RUSF1: variants seen among roughly 807,000 people sequenced by gnomAD.
The protein encoded by RUSF1 is RUS1 family protein C16orf58.
Under a neutral mutation model 63.0 loss-of-function variants are expected in RUSF1, and 58 were observed. That is an observed-to-expected ratio of 0.92 (90% CI 0.75 to 1.15). RUSF1 has a LOEUF of 1.15. RUSF1 is among the 50% of genes most tolerant of loss of function. The pLI, the probability that RUSF1 is intolerant of heterozygous loss-of-function variation, is 0.00. For missense variants in RUSF1, 652 were observed against 611.0 expected, an observed-to-expected ratio of 1.07 and a Z score of -0.71; for synonymous variants, 274 against 255.8, an observed-to-expected ratio of 1.07 and a Z score of -0.68.
chr16:31,500,816 A>G (rs1179236844), intron 2 of RUSF1, 85 bp from the exon 3 acceptor site: 39 of 1,398,888 alleles, frequency 2.8e-5, no homozygotes, highest in Non-Finnish European at 2.9e-5. Context: ...GAACTGGCCA[A>G]TTCACTGAGT....
rs944192270 is a variant in RUSF1, at chr16:31,507,980, C to G, written c.300+94G>C. The G allele has an allele frequency of 5.3e-5, 81 of 1,538,324 alleles. No homozygotes were observed. The African/African-American group carries it at 1.0e-3, about 20-fold the overall frequency. On this transcript the variant is annotated intron_variant, in intron 1 of 12. Transcript: ENST00000327237. ...TTGGTGTATGAGGCATGTCAGACCCCCCGCCCCCCGGGCTCCGAGTCTCAG... is the reference window on the plus strand; with the variant it reads ...TTGGTGTATGAGGCATGTCAGACCCGCCGCCCCCCGGGCTCCGAGTCTCAG...
At chr16:31,503,093 C>A (rs970054391) in intron 2 of RUSF1, among the ~76,000 whole-genome samples, 1 of 152,242 alleles carries the variant, frequency 6.6e-6, no homozygotes, top group African/African-American at 2.4e-5. Flanking sequence ...TGAGTCACTA[C>A]TGTCCACTAG....
At chr16:31,504,383 C>T (rs888039149) in intron 2 of RUSF1, among the ~76,000 whole-genome samples, 2 of 152,068 alleles carry the variant, frequency 1.3e-5, no homozygotes, top group African/African-American at 2.4e-5. Context: ...ATTTTCCTGC[C>T]GCTGCTTCCT....
In RUSF1 at chr16:31,499,285, C is replaced by A; in HGVS notation, c.600+17G>T. 1 of 1,603,292 alleles carries A rather than the reference C, an allele frequency of 6.2e-7. No homozygotes were observed. Among genetic ancestry groups the A allele is most frequent in the Non-Finnish European group, 8.5e-7 (1 of 1,170,422 alleles). On this transcript the variant is annotated intron_variant, in intron 5 of 12. Coordinates refer to ENST00000327237, the MANE Select transcript of RUSF1 (RefSeq NM_022744.4). ...GGCAGGTGTTTTAGGCAGATGGGTG[C>A]CCCCACAGGCAGCTACCTTGGCTAG...
In RUSF1 at chr16:31,507,951, G is replaced by T. The variant is rs1200590854; in HGVS notation, c.301-73C>A. 3.9e-6 allele frequency: 6 copies of T among 1,534,052 alleles called. No homozygotes were observed. The East Asian group carries it at 1.2e-4, about 31-fold the overall frequency. On this transcript the variant is annotated intron_variant, in intron 1 of 12. Coordinates refer to ENST00000327237, the MANE Select transcript of RUSF1 (RefSeq NM_022744.4). ...GGTCTAAGTGCCTTCATCTGTTCTT[G>T]TTCTTGGTGTATGAGGCATGTCAGA...
chr16:31,500,853 A>G (rs2082629709), intron 2 of RUSF1, 122 bp from the exon 3 acceptor site: 4 of 1,056,846 alleles, frequency 3.8e-6, no homozygotes, highest in Non-Finnish European at 5.4e-6. Flanking sequence ...TCGGTCTGGT[A>G]CTAGAAGTTG....
At position 31,496,910 on chromosome 16, in the gene RUSF1, A is replaced by C. The variant is rs202098644; in HGVS notation, c.641T>G (p.Leu214Arg). The change falls in exon 6 of 13, where the codon CTG becomes CGG. Residue 214 changes from leucine to arginine, a missense_variant. Transcript: ENST00000327237. ...SVAGGATRAALTVHQARRNNM... is the reference protein window; with the variant it reads ...SVAGGATRAARTVHQARRNNM... Reference sequence around the variant, plus strand: ...GTTCCTCCGAGCCTGGTGCACGGTCAGGGCAGCCCGAGTGGCCCCACCAGC... The same window carrying C: ...GTTCCTCCGAGCCTGGTGCACGGTCCGGGCAGCCCGAGTGGCCCCACCAGC... The C allele has an allele frequency of 6.2e-7, 1 of 1,610,146 alleles. No homozygotes were observed. Among genetic ancestry groups the C allele is most frequent in the East Asian group, 2.2e-5 (1 of 44,654 alleles).
intron 2 of RUSF1, among the ~76,000 whole-genome samples, chr16:31,503,692 T>C (rs2082643372): frequency 1.3e-5 from 2 of 152,224 alleles, no homozygotes; most frequent in African/African-American, 2.4e-5. Context: ...TAGATGGAGT[T>C]TCACTCGTTG....
chr16:31,492,768 C>T (rs1340733675), intron 10 of RUSF1, among the ~76,000 whole-genome samples: 9 of 152,174 alleles, frequency 5.9e-5, no homozygotes, highest in South Asian at 2.1e-4. Context: ...ATAAAAACAC[C>T]GCAAGGAATA....
chr16:31,506,519 C>A (rs973099444), intron 2 of RUSF1, among the ~76,000 whole-genome samples: 2 of 152,222 alleles, frequency 1.3e-5, no homozygotes, highest in East Asian at 3.9e-4. Flanking sequence ...CAGTGGCTCA[C>A]GCCTATAATC....
intron 2 of RUSF1, among the ~76,000 whole-genome samples, chr16:31,503,951 C>T (rs1046924454): frequency 6.6e-6 from 1 of 150,584 alleles, no homozygotes; most frequent in African/African-American, 2.4e-5. Context: ...CGTGAGCCAC[C>T]GCACCTGGCC....
At chr16:31,494,064 AT>A in intron 6 of RUSF1, 128 bp from the exon 7 acceptor site, 2 of 1,064,284 alleles carry the variant, frequency 1.9e-6, no homozygotes, top group Non-Finnish European at 2.7e-6. Context: ...ATGTGGGTAA[AT>A]TTTTAGTTTT....
chr16:31,503,498 G>C (rs1462951457), intron 2 of RUSF1, among the ~76,000 whole-genome samples: 1 of 152,132 alleles, frequency 6.6e-6, no homozygotes, highest in Non-Finnish European at 1.5e-5. Flanking sequence ...TGCTACTCAT[G>C]ACAACTGGCA....
chr16:31,497,149 T>C (rs1417819164), intron 5 of RUSF1, among the ~76,000 whole-genome samples, 199 bp from the exon 6 acceptor site: 1 of 152,092 alleles, frequency 6.6e-6, no homozygotes, highest in Non-Finnish European at 1.5e-5. Context: ...ACTATCACCT[T>C]GGGGACTGGC....
chr16:31,491,112 G>C (rs1380429568), intron 12 of RUSF1, among the ~76,000 whole-genome samples, 180 bp from the exon 13 acceptor site: 1 of 152,202 alleles, frequency 6.6e-6, no homozygotes, highest in African/African-American at 2.4e-5. Context: ...ATGGCACACA[G>C]AAGAGCGCTG....
At chr16:31,492,131 G>A (rs1428364893) in intron 11 of RUSF1, 45 bp from the exon 12 acceptor site, 2 of 1,613,746 alleles carry the variant, frequency 1.2e-6, no homozygotes, top group Non-Finnish European at 1.7e-6. Context: ...TCCTCCAGCA[G>A]GACAGAGTTT....
chr16:31,490,561 C>T lies in RUSF1; in HGVS notation c.*274G>A. ...GACCAACTGCGTTGGACACCATAAGCCACAGCCTCACAGGAAGTGGGGGTG... is the reference window on the plus strand; with the variant it reads ...GACCAACTGCGTTGGACACCATAAGTCACAGCCTCACAGGAAGTGGGGGTG... On this transcript the variant is annotated 3_prime_UTR_variant, in exon 13 of 13. Coordinates refer to ENST00000327237, the MANE Select transcript of RUSF1 (RefSeq NM_022744.4). 6.4e-7 allele frequency: 1 copy of T among 1,567,212 alleles called. No individual in the cohort carries two copies. The highest frequency in any genetic ancestry group is 1.1e-5 in the South Asian group (1 of 88,074).
At chr16:31,504,859 GA>G (rs1157125297) in intron 2 of RUSF1, among the ~76,000 whole-genome samples, 1 of 152,200 alleles carries the variant, frequency 6.6e-6, no homozygotes. Flanking sequence ...GTGCTGTATG[GA>G]ATCAAGGTTT....
chr16:31,495,479 C>A (rs2082597290), intron 6 of RUSF1, among the ~76,000 whole-genome samples: 1 of 152,136 alleles, frequency 6.6e-6, no homozygotes, highest in East Asian at 1.9e-4. Flanking sequence ...GCGGGACTGA[C>A]ACATTCCCAG....
Sources: gnomAD v4.1 joint callset for allele counts (sites outside exome capture counted in the v4.1 genomes callset) on GRCh38, gnomAD v4.1.1 for gene constraint, MANE v1.5 for transcripts, NCBI Gene and HGNC (gene_info 2026-07-23, HGNC 2026-07-21) for gene names.